TENM1: variants seen among roughly 807,000 people sequenced by gnomAD.
TENM1 encodes teneurin transmembrane protein 1.
Under a neutral mutation model 174.8 loss-of-function variants are expected in TENM1, and 35 were observed. That is an observed-to-expected ratio of 0.20 (90% CI 0.15 to 0.27). TENM1 has a LOEUF of 0.27. Among genes scored for constraint, TENM1 ranks in the 10% least tolerant of loss-of-function variants. The probability of loss-of-function intolerance (pLI) is 1.00; values close to 1 mark genes in which losing one functional copy is unlikely to be tolerated. For synonymous variants in TENM1, 781 were observed against 798.7 expected (o/e 0.98, Z 0.37); for missense variants, 1,633 against 2,130.1 (o/e 0.77, Z 4.59).
intron 4 of TENM1, among the ~76,000 whole-genome samples, chrX:124,713,550 G>A (rs773123294): frequency 6.2e-5 from 7 of 112,445 alleles, no homozygotes; most frequent in East Asian, 5.6e-4. Flanking sequence ...TTACAGGCGT[G>A]AGCCACCATG....
chrX:124,526,129 G>A (rs1280504209), intron 16 of TENM1, among the ~76,000 whole-genome samples: 2 of 111,468 alleles, frequency 1.8e-5, no homozygotes, highest in Non-Finnish European at 3.8e-5. Flanking sequence ...TGCTGTGGAG[G>A]TCTTTCGGAG....
At chrX:124,679,970 T>C (rs987325687) in intron 5 of TENM1, among the ~76,000 whole-genome samples, 1 of 111,774 alleles carries the variant, frequency 8.9e-6, no homozygotes, top group African/African-American at 3.2e-5. Flanking sequence ...TTGAGGTCTC[T>C]TTCAAACATT....
chrX:124,516,355 T>A (rs1436631714), intron 18 of TENM1, among the ~76,000 whole-genome samples: 6 of 111,642 alleles, frequency 5.4e-5, no homozygotes, highest in Non-Finnish European at 1.1e-4. Flanking sequence ...ACAAATGGGA[T>A]CTAACAAAAT....
At chrX:125,101,278 A>C in the TENM1 span, among the ~76,000 whole-genome samples, 1 of 111,862 alleles carries the variant, frequency 8.9e-6, no homozygotes, top group Admixed American at 9.5e-5. Flanking sequence ...TTCTCCAAAC[A>C]ACAAAACAAC....
intron 8 of TENM1, 107 bp from the exon 12 acceptor site, chrX:124,646,917 T>C: frequency 1.9e-6 from 1 of 531,581 alleles, no homozygotes; most frequent in Non-Finnish European, 3.0e-6. Flanking sequence ...AATTTTGCCC[T>C]TTGCTGTTTG....
chrX:124,775,886 CT>C (rs1328661642), intron 3 of TENM1, among the ~76,000 whole-genome samples: 1 of 111,386 alleles, frequency 9.0e-6, no homozygotes, highest in African/African-American at 3.3e-5. Flanking sequence ...GGGATGCCAA[CT>C]TTTGGTATGT....
intron 1 of TENM1, among the ~76,000 whole-genome samples, chrX:124,949,733 G>T (rs2058453947): frequency 8.9e-6 from 1 of 111,995 alleles, no homozygotes; most frequent in Admixed American, 9.5e-5. Flanking sequence ...GTTTCAGTCA[G>T]AGATGAGAGC....
upstream of TENM1, chrX:124,963,951 G>T (rs2058693059): frequency 2.4e-6 from 1 of 419,175 alleles, no homozygotes; most frequent in Non-Finnish European, 4.1e-6. Flanking sequence ...ATGACATGAA[G>T]CTAGCCGGAG....
At chrX:124,408,236 G>A (rs762149155) in intron 25 of TENM1, among the ~76,000 whole-genome samples, 9 of 111,149 alleles carry the variant, frequency 8.1e-5, no homozygotes, top group Non-Finnish European at 1.7e-4. Flanking sequence ...CCACCTCCCG[G>A]GTTCAAGCAA....
At chrX:124,894,947 T>C (rs2057537645) in intron 2 of TENM1, among the ~76,000 whole-genome samples, 1 of 111,133 alleles carries the variant, frequency 9.0e-6, no homozygotes, top group Admixed American at 9.6e-5. Flanking sequence ...CATGAACACA[T>C]ACATATATGA....
the TENM1 span, among the ~76,000 whole-genome samples, chrX:125,173,770 G>T: frequency 9.0e-6 from 1 of 111,449 alleles, no homozygotes; most frequent in Non-Finnish European, 1.9e-5. Context: ...ACTCAAAAAG[G>T]CTGGGTTCCA....
chrX:124,700,871 A>G (rs2052759811), intron 5 of TENM1, among the ~76,000 whole-genome samples: 1 of 111,384 alleles, frequency 9.0e-6, no homozygotes, highest in African/African-American at 3.3e-5. Flanking sequence ...ACTCCACTGT[A>G]GTAAACCCCC....
chrX:125,062,201 T>C, the TENM1 span, among the ~76,000 whole-genome samples: 2,688 of 112,056 alleles, frequency 0.024, 85 homozygotes, highest in African/African-American at 0.081. Flanking sequence ...TCCTGGCACA[T>C]AGCATTTAAT....
the TENM1 span, among the ~76,000 whole-genome samples, chrX:125,110,385 T>C: frequency 9.0e-6 from 1 of 111,630 alleles, no homozygotes; most frequent in Non-Finnish European, 1.9e-5. Flanking sequence ...TGTGATTTCC[T>C]TCCCTTCCCT....
chrX:125,023,964 C>A, the TENM1 span, among the ~76,000 whole-genome samples: 6 of 111,882 alleles, frequency 5.4e-5, no homozygotes, highest in Non-Finnish European at 9.4e-5. Flanking sequence ...ATGTGGCCAA[C>A]AAACAGACAA....
At chrX:125,186,782 G>T in the TENM1 span, among the ~76,000 whole-genome samples, 138 of 111,313 alleles carry the variant, frequency 1.2e-3, 1 homozygote, top group Admixed American at 8.7e-3. Context: ...ACAGCTTCAG[G>T]CATTCCTTTA....
At chrX:124,807,101 C>A (rs2055620191) in intron 3 of TENM1, among the ~76,000 whole-genome samples, 1 of 111,116 alleles carries the variant, frequency 9.0e-6, no homozygotes, top group Non-Finnish European at 1.9e-5. Context: ...GTGTCACAGT[C>A]TTTTAAACAA....
At chrX:125,038,450 C>T in the TENM1 span, among the ~76,000 whole-genome samples, 2 of 110,856 alleles carry the variant, frequency 1.8e-5, no homozygotes, top group Non-Finnish European at 3.8e-5. Context: ...TATATTAAAG[C>T]ACTCGAAACA....
intron 3 of TENM1, among the ~76,000 whole-genome samples, chrX:124,885,793 C>T (rs953906800): frequency 8.1e-5 from 9 of 110,497 alleles, no homozygotes; most frequent in Non-Finnish European, 1.5e-4. Flanking sequence ...CTGAAGTAGC[C>T]AAGATGATTC....
Sources: allele counts gnomAD v4.1 joint callset (sites outside exome capture counted in the v4.1 genomes callset), GRCh38; gene constraint gnomAD v4.1.1; transcripts MANE v1.5; gene names NCBI Gene and HGNC (gene_info 2026-07-23, HGNC 2026-07-21).